Variants in EXD1 observed in about 807,000 individuals in gnomAD.
The protein encoded by EXD1 is exonuclease 3'-5' domain containing 1, also known as piRNA biogenesis protein EXD1.
Under a neutral mutation model 49.1 loss-of-function variants are expected in EXD1, and 63 were observed. That is an observed-to-expected ratio of 1.28 (90% CI 1.05 to 1.58). The LOEUF is 1.58. Ranked by LOEUF, EXD1 falls within the 40% of genes most tolerant of loss-of-function variation. The probability of loss-of-function intolerance (pLI) is 0.00; values close to 1 mark genes in which losing one functional copy is unlikely to be tolerated. For synonymous variants in EXD1, 234 were observed against 239.2 expected, an observed-to-expected ratio of 0.98 and a Z score of 0.20; for missense variants, 748 against 666.0, an observed-to-expected ratio of 1.12 and a Z score of -1.36.
intron 2 of EXD1, among the ~76,000 whole-genome samples, chr15:41,225,592 A>C (rs2047150968): frequency 6.8e-6 from 1 of 146,676 alleles, no homozygotes; most frequent in Non-Finnish European, 1.5e-5. Context: ...TCTCAGAAAA[A>C]AAAAAAAAGG....
In EXD1 at chr15:41,225,203, T is replaced by C. The variant is rs1233543076; in HGVS notation, c.133+1240A>G. Among the ~76,000 whole-genome samples the C allele has an allele frequency of 3.9e-5, 6 of 152,316 alleles. No homozygotes were observed. In the East Asian group the frequency reaches 9.6e-4, roughly 24 times the overall value. On this transcript the variant is annotated intron_variant, in intron 2 of 11. Transcript: ENST00000458580. ...CTCTTTACTTTTTGTAAGAAAAAAT[T>C]TAACCCCTTACTGTATGAACTCAAC... is the stretch of plus-strand genomic sequence containing the variant.
intron 2 of EXD1, among the ~76,000 whole-genome samples, chr15:41,225,642 G>C (rs1294055774): frequency 6.6e-6 from 1 of 151,602 alleles, no homozygotes; most frequent in Non-Finnish European, 1.5e-5. Context: ...CAGCACTTTG[G>C]GGGACCGAGG....
intron 7 of EXD1, among the ~76,000 whole-genome samples, chr15:41,204,096 A>C (rs2046780210): frequency 6.6e-6 from 1 of 150,812 alleles, no homozygotes; most frequent in Admixed American, 6.6e-5. Context: ...AATACAAAAA[A>C]AATTAGCCAG....
chr15:41,224,654 G>A (rs2047134993), intron 2 of EXD1, among the ~76,000 whole-genome samples: 1 of 152,134 alleles, frequency 6.6e-6, no homozygotes, highest in Non-Finnish European at 1.5e-5. Context: ...GCAGCTGCAA[G>A]TTGTAAGATT....
chr15:41,227,350 G>A (rs565714049), intron 1 of EXD1, among the ~76,000 whole-genome samples: 8 of 152,232 alleles, frequency 5.3e-5, no homozygotes, highest in African/African-American at 1.9e-4. Flanking sequence ...TCCTATGACA[G>A]TTCTACGCTA....
chr15:41,199,836 TGA>T (rs1398884471), intron 7 of EXD1, among the ~76,000 whole-genome samples: 5 of 137,472 alleles, frequency 3.6e-5, no homozygotes, highest in African/African-American at 1.1e-4. Flanking sequence ...TGTCAATATA[TGA>T]TATATATAAT....
At position 41,184,093 on chromosome 15, in the gene EXD1, G is replaced by A; in HGVS notation, c.1557C>T (p.Cys519=). 6.2e-7 allele frequency: 1 copy of A among 1,614,212 alleles called. No homozygotes were observed. ...AAGACATTGAAACAGCCTGTTTTGT[G>A]CATTTTAAATCTTCCTTGTTTTCCA... The part of the protein sequence containing the change: ...LMVENKEDLK[C]TKQAVSMSSF... The change falls in exon 12 of 12, where the codon TGC becomes TGT. Residue 519 remains cysteine (C), a synonymous_variant. Coordinates refer to ENST00000458580, the MANE Select transcript of EXD1 (RefSeq NM_001286441.2).
rs1174404805 is a variant in EXD1 at position 41,210,754 on chromosome 15, C to T, written c.448-1167G>A. Among the ~76,000 whole-genome samples the T allele has an allele frequency of 3.3e-5, 5 of 152,056 alleles. No individual in the cohort carries two copies. The South Asian group carries it at 8.3e-4, about 25-fold the overall frequency. On this transcript the variant is annotated intron_variant, in intron 6 of 11. Coordinates refer to ENST00000458580, the MANE Select transcript of EXD1 (RefSeq NM_001286441.2). Reference sequence around the variant, plus strand: ...TATAATCTTACCCTATTTCATTATACAATTCTATAATCCTTAATCCATAAT... The same window carrying T: ...TATAATCTTACCCTATTTCATTATATAATTCTATAATCCTTAATCCATAAT...
intron 6 of EXD1, among the ~76,000 whole-genome samples, chr15:41,211,381 T>G (rs376840727): frequency 2.0e-5 from 3 of 152,070 alleles, no homozygotes; most frequent in African/African-American, 7.2e-5. Flanking sequence ...AAAGTGCTGG[T>G]ATTACAAGAC....
At chr15:41,202,115 A>G (rs1261559926) in intron 7 of EXD1, among the ~76,000 whole-genome samples, 3 of 151,798 alleles carry the variant, frequency 2.0e-5, no homozygotes, top group East Asian at 3.9e-4. Flanking sequence ...TACAATTGCC[A>G]GACCTACCTA....
intron 2 of EXD1, among the ~76,000 whole-genome samples, chr15:41,225,883 TC>T (rs1387556721): frequency 5.5e-5 from 8 of 144,236 alleles, no homozygotes; most frequent in Non-Finnish European, 1.0e-4. Context: ...AGACAACATC[TC>T]AAAAAACAAA....
chr15:41,199,422 T>C (rs1477721120), intron 7 of EXD1, among the ~76,000 whole-genome samples: 10 of 146,108 alleles, frequency 6.8e-5, no homozygotes, highest in African/African-American at 2.5e-4. Flanking sequence ...TAAGAGTCTT[T>C]CAAAAAAAAA....
intron 1 of EXD1, 50 bp from the exon 2 acceptor site, chr15:41,226,678 T>C (rs1468795682): frequency 1.4e-6 from 2 of 1,387,484 alleles, no homozygotes; most frequent in African/African-American, 1.5e-5. Context: ...TTTTTGGGAG[T>C]AAAGTTATTT....
intron 9 of EXD1, among the ~76,000 whole-genome samples, chr15:41,192,888 C>T (rs1215188139): frequency 6.7e-6 from 1 of 149,920 alleles, no homozygotes; most frequent in Non-Finnish European, 1.5e-5. Flanking sequence ...CTCCGCCTCC[C>T]GGGTTCACGC....
chr15:41,214,706 G>A (rs1476680952), intron 6 of EXD1, among the ~76,000 whole-genome samples: 2 of 151,846 alleles, frequency 1.3e-5, no homozygotes, highest in Admixed American at 1.3e-4. Context: ...GAATATTTCA[G>A]CCTCAGGGCC....
intron 4 of EXD1, 47 bp downstream of exon 4, chr15:41,217,050 G>T: frequency 6.5e-7 from 1 of 1,538,780 alleles, no homozygotes; most frequent in Non-Finnish European, 8.9e-7. Context: ...CTACCCTAAT[G>T]TGCACATTTG....
chr15:41,226,310 C>T, intron 2 of EXD1, 133 bp downstream of exon 2: 2 of 881,086 alleles, frequency 2.3e-6, no homozygotes, highest in Non-Finnish European at 3.4e-6. Context: ...TTTGGGAAAA[C>T]AATATTCTAA....
chr15:41,229,637 G>A (rs1045110447), intron 1 of EXD1, among the ~76,000 whole-genome samples: 1 of 152,028 alleles, frequency 6.6e-6, no homozygotes, highest in East Asian at 1.9e-4. Context: ...ACACGGTGGC[G>A]CATGCCTGTA....
chr15:41,214,396 C>G (rs1250746805), intron 6 of EXD1, among the ~76,000 whole-genome samples: 1 of 151,630 alleles, frequency 6.6e-6, no homozygotes, highest in East Asian at 2.0e-4. Context: ...GCCTGTAATA[C>G]CAGCTACTCA....
Sources: allele counts gnomAD v4.1 joint callset (sites outside exome capture counted in the v4.1 genomes callset), GRCh38; gene constraint gnomAD v4.1.1; transcripts MANE v1.5; gene names NCBI Gene and HGNC (gene_info 2026-07-23, HGNC 2026-07-21).